Variants in NEFH observed in about 807,000 individuals in gnomAD.
NEFH encodes the protein neurofilament heavy chain, also known as neurofilament heavy polypeptide.
Under a neutral mutation model 56.6 loss-of-function variants are expected in NEFH, and 58 were observed. That is an observed-to-expected ratio of 1.03 (90% CI 0.83 to 1.28). The LOEUF is 1.28. Among genes scored for constraint, NEFH ranks in the 50% most tolerant of loss-of-function variants. NEFH has a pLI of 0.00. For missense variants in NEFH, 1,221 were observed against 1,307.6 expected (o/e 0.93, Z 1.02); for synonymous variants, 542 against 545.8 (o/e 0.99, Z 0.10).
Position 29,480,416 on chromosome 22 carries a change from C to G in NEFH, c.154C>G (p.Arg52Gly). The G allele has an allele frequency of 6.5e-7, 1 of 1,533,412 alleles. No individual in the cohort carries two copies. Among genetic ancestry groups the G allele is most frequent in the Admixed American group, 2.0e-5 (1 of 50,994 alleles). The allele number at this position is 1,533,412 out of a possible 1,614,324, so 95.0% of individuals were successfully genotyped here. ...GSSSGFHSWT[R>G]TSVSSVSASP... ...CTCCAGCGGCTTCCACTCGTGGACACGGACGTCCGTGAGCTCCGTGTCCGC... is the reference window on the plus strand; with the variant it reads ...CTCCAGCGGCTTCCACTCGTGGACAGGGACGTCCGTGAGCTCCGTGTCCGC... The change falls in exon 1 of 4, where the codon CGG becomes GGG. Residue 52 changes from arginine to glycine, a missense_variant. Around this residue, in one of 4 missense-constraint regions of NEFH, gnomAD observed 640 missense variants for 555.5 expected, o/e 1.15. Transcript: ENST00000310624.
Position 29,480,316 on chromosome 22 carries a change from G to GCATGGCGGCGGCAGCCTCCACTA in NEFH, c.56_78dup (p.Ala27MetfsTer10). 2 of 1,507,948 alleles carry GCATGGCGGCGGCAGCCTCCACTA rather than the reference G, an allele frequency of 1.3e-6. No homozygotes were observed. The highest frequency in any genetic ancestry group is 1.8e-6 in the Non-Finnish European group (2 of 1,138,206). 93.4% of individuals were successfully genotyped at this position (1,507,948 alleles called of 1,614,324 possible). A position where few individuals can be genotyped will look rare whatever the true frequency, so the allele number is the denominator to read the frequency against. ...TGCTGGGCGCCCCGTTCGCGCCGCT[G>GCATGGCGGCGGCAGCCTCCACTA]CATGGCGGCGGCAGCCTCCACTACG... On this transcript the variant is annotated frameshift_variant, in exon 1 of 4. Transcript: ENST00000310624. LOFTEE classifies it high-confidence loss of function.
intron 2 of NEFH, among the ~76,000 whole-genome samples, chr22:29,485,367 TGTTGG>T (rs1413177167): frequency 6.6e-6 from 1 of 152,080 alleles, no homozygotes; most frequent in Non-Finnish European, 1.5e-5. Flanking sequence ...CTTCCCAAAG[TGTTGG>T]GAATACAGGC....
intron 3 of NEFH, 135 bp from the exon 4 acceptor site, chr22:29,488,714 G>A (rs987097826): frequency 1.7e-5 from 14 of 836,950 alleles, no homozygotes; most frequent in African/African-American, 1.7e-4. Flanking sequence ...GTCTCATAAT[G>A]CCCACCATTC....
At chr22:29,486,161 C>T (rs1177767322) in intron 3 of NEFH, among the ~76,000 whole-genome samples, 1 of 151,636 alleles carries the variant, frequency 6.6e-6, no homozygotes, top group East Asian at 1.9e-4. Flanking sequence ...TGGGATTACA[C>T]GTGCCCGCCA....
Position 29,480,752 on chromosome 22 carries a change from C to G in NEFH, c.490C>G (p.Arg164Gly), listed in dbSNP as rs2063000485. 6.9e-7 allele frequency: 1 copy of G among 1,448,528 alleles called. No individual in the cohort carries two copies. The highest frequency in any genetic ancestry group is 2.9e-5 in the Admixed American group (1 of 35,076). The allele number at this position is 1,448,528 out of a possible 1,614,324, so 89.7% of individuals were successfully genotyped here. ...RGAVLRLGAA[R>G]GQLRLEQEHL... ...CGCGGTGCTGCGCCTGGGCGCGGCG[C>G]GCGGTCAGCTACGCCTGGAGCAGGA... Residue 164 changes from arginine to glycine, a missense_variant, in exon 1 of 4, where the codon CGC (arginine) becomes GGC (glycine). Coordinates refer to ENST00000310624, the MANE Select transcript of NEFH (RefSeq NM_021076.4).
chr22:29,480,783 TGCTCG>T lies in NEFH; in HGVS notation c.522_526del (p.Leu175GlyfsTer103), dbSNP rs1232369901. The T allele has an allele frequency of 2.8e-6, 4 of 1,431,730 alleles. No individual in the cohort carries two copies. The highest frequency in any genetic ancestry group is 3.6e-6 in the Non-Finnish European group (4 of 1,103,858). The allele number at this position is 1,431,730 out of a possible 1,614,324, so 88.7% of individuals were successfully genotyped here. A position where few individuals can be genotyped will look rare whatever the true frequency, so the allele number is the denominator to read the frequency against. On this transcript the variant is annotated frameshift_variant, in exon 1 of 4. Transcript: ENST00000310624. LOFTEE classifies it high-confidence loss of function. ...CAGCTACGCCTGGAGCAGGAGCACCTGCTCGAGGACATCGCGCACGTGCGCCAGCG... is the reference window on the plus strand; with the variant it reads ...CAGCTACGCCTGGAGCAGGAGCACCTAGGACATCGCGCACGTGCGCCAGCG...
intron 3 of NEFH, among the ~76,000 whole-genome samples, chr22:29,486,197 T>C (rs11912955): frequency 6.6e-6 from 1 of 150,446 alleles, no homozygotes; most frequent in East Asian, 1.9e-4. Flanking sequence ...TTTTATTTTT[T>C]TTTTTTTAGT....
intron 2 of NEFH, 80 bp from the exon 3 acceptor site, chr22:29,485,643 C>T (rs767402342): frequency 2.0e-5 from 31 of 1,540,272 alleles, no homozygotes; most frequent in Non-Finnish European, 2.6e-5. Flanking sequence ...GCTCTGGGGT[C>T]GCACAGCCCG....
At chr22:29,486,875 AG>A (rs2063047860) in intron 3 of NEFH, among the ~76,000 whole-genome samples, 1 of 152,218 alleles carries the variant, frequency 6.6e-6, no homozygotes, top group Non-Finnish European at 1.5e-5. Flanking sequence ...AGACGGTGGA[AG>A]TTCCTTATCC....
Position 29,480,429 on chromosome 22 carries a change from G to T in NEFH, c.167G>T (p.Ser56Ile). The change falls in exon 1 of 4, where the codon AGC becomes ATC. Residue 56 changes from serine to isoleucine, a missense_variant. Transcript: ENST00000310624. Reference protein sequence around the residue: ...GFHSWTRTSVSSVSASPSRFR... With the variant: ...GFHSWTRTSVISVSASPSRFR... ...CACTCGTGGACACGGACGTCCGTGA[G>T]CTCCGTGTCCGCCTCGCCCAGCCGC... The T allele has an allele frequency of 6.5e-7, 1 of 1,532,218 alleles. No individual in the cohort carries two copies. Among genetic ancestry groups the T allele is most frequent in the Non-Finnish European group, 8.7e-7 (1 of 1,145,962 alleles). The allele number at this position is 1,532,218 out of a possible 1,614,324, so 94.9% of individuals were successfully genotyped here.
Position 29,480,329 on chromosome 22 carries a change from A to G in NEFH, c.67A>G (p.Ser23Gly), listed in dbSNP as rs1395326623. 4.6e-6 allele frequency: 7 copies of G among 1,508,422 alleles called. No individual in the cohort carries two copies. The highest frequency in any genetic ancestry group is 6.1e-6 in the Non-Finnish European group (7 of 1,138,880). 93.4% of individuals were successfully genotyped at this position (1,508,422 alleles called of 1,614,324 possible). The change falls in exon 1 of 4, where the codon AGC (serine) becomes GGC (glycine). Residue 23 changes from serine (S) to glycine (G), a missense_variant. This residue lies in a region of NEFH where 640 missense variants were observed against 555.5 expected (regional missense o/e 1.15). Coordinates refer to ENST00000310624, the MANE Select transcript of NEFH (RefSeq NM_021076.4). ...GTTCGCGCCGCTGCATGGCGGCGGC[A>G]GCCTCCACTACGCGCTAGCCCGAAA... ...APFAPLHGGG[S>G]LHYALARKGG... is the part of the protein sequence containing the mutation.
chr22:29,483,132 A>G (rs1366280654), intron 1 of NEFH, among the ~76,000 whole-genome samples: 1 of 152,158 alleles, frequency 6.6e-6, no homozygotes. Context: ...ACAAAAAATT[A>G]GCTGGGCGTA....
intron 2 of NEFH, among the ~76,000 whole-genome samples, chr22:29,484,470 T>G (rs1269929209): frequency 6.6e-6 from 1 of 151,978 alleles, no homozygotes; most frequent in Non-Finnish European, 1.5e-5. Context: ...TGAAACCCTG[T>G]CTCTACTAAA....
chr22:29,482,622 C>T (rs2063018717), intron 1 of NEFH, among the ~76,000 whole-genome samples: 1 of 152,202 alleles, frequency 6.6e-6, no homozygotes, highest in Admixed American at 6.5e-5. Flanking sequence ...GCTCACGGTA[C>T]CCTCATGCCT....
chr22:29,481,052 A>G lies in NEFH; in HGVS notation c.790A>G (p.Lys264Glu), dbSNP rs2063004653. Residue 264 changes from lysine (K) to glutamate (E), a missense_variant, in exon 1 of 4, where the codon AAG becomes GAG. Physicochemically the swap from Lys to Glu is moderately conservative, Grantham distance 56. Transcript: ENST00000310624. ...GCAGGCCGAGACGCGCGACGCCCTGAAGTGCGACGTGACGTCGGCGCTGCG... is the reference window on the plus strand; with the variant it reads ...GCAGGCCGAGACGCGCGACGCCCTGGAGTGCGACGTGACGTCGGCGCTGCG... The part of the protein sequence containing the change: ...QMQAETRDAL[K>E]CDVTSALREI... The G allele has an allele frequency of 2.0e-6, 3 of 1,531,516 alleles. No individual in the cohort carries two copies. Among genetic ancestry groups the G allele is most frequent in the Non-Finnish European group, 2.6e-6 (3 of 1,145,512 alleles). 94.9% of individuals were successfully genotyped at this position (1,531,516 alleles called of 1,614,324 possible). A position where few individuals can be genotyped will look rare whatever the true frequency, so the allele number is the denominator to read the frequency against.
chr22:29,489,947 A>G lies in NEFH; in HGVS notation c.2307A>G (p.Pro769=), dbSNP rs142984913. The part of the protein sequence containing the change: ...LDVKSPEAKT[P]AKEEARSPAD... The stretch of plus-strand genomic sequence containing the variant: ...TGAAGTCTCCAGAAGCCAAGACTCC[A>G]GCGAAGGAGGAAGCAAGGTCCCCTG... Residue 769 remains proline, a synonymous_variant, in exon 4 of 4, where the codon CCA becomes CCG. Coordinates refer to ENST00000310624, the MANE Select transcript of NEFH (RefSeq NM_021076.4). 1 of 1,613,638 alleles carries G rather than the reference A, an allele frequency of 6.2e-7. No homozygotes were observed.
Position 29,480,246 on chromosome 22 carries a change from G to A in NEFH, c.-17G>A, listed in dbSNP as rs1222213065. On this transcript the variant is annotated 5_prime_UTR_variant, in exon 1 of 4. Transcript: ENST00000310624. The stretch of plus-strand genomic sequence containing the variant: ...GTGCCTCCCGCCCCGTCCCGGCCTC[G>A]CGCACCTGCTCAGGCCATGATGAGC... 8.0e-6 allele frequency: 12 copies of A among 1,497,362 alleles called. No individual in the cohort carries two copies. The highest frequency in any genetic ancestry group is 8.8e-6 in the Non-Finnish European group (10 of 1,132,842). 92.8% of individuals were successfully genotyped at this position (1,497,362 alleles called of 1,614,324 possible). A position where few individuals can be genotyped will look rare whatever the true frequency, so the allele number is the denominator to read the frequency against.
At chr22:29,485,900 A>T in intron 3 of NEFH, 53 bp downstream of exon 3, 7 of 1,609,402 alleles carry the variant, frequency 4.3e-6, no homozygotes, top group Non-Finnish European at 6.0e-6. Context: ...TTCCTGCGAG[A>T]CGCTAAGCCT....
At chr22:29,485,245 G>A (rs2063037330) in intron 2 of NEFH, among the ~76,000 whole-genome samples, 1 of 152,106 alleles carries the variant, frequency 6.6e-6, no homozygotes, top group South Asian at 2.1e-4. Context: ...TGGGATTACA[G>A]GTATGTGCCA....
Sources: gnomAD v4.1 joint callset for allele counts (sites outside exome capture counted in the v4.1 genomes callset) on GRCh38, gnomAD v4.1.1 for gene constraint, gnomAD v4.1.1 regional missense constraint, MANE v1.5 for transcripts, NCBI Gene and HGNC (gene_info 2026-07-23, HGNC 2026-07-21) for gene names.